The following LPA variants were observed in gnomAD, a reference collection of about 807,000 sequenced individuals.
The protein encoded by LPA is apolipoprotein(a).
LPA carries 199 observed loss-of-function variants against 197.9 expected under a neutral mutation model. That is an observed-to-expected ratio of 1.01 (90% CI 0.90 to 1.13). The LOEUF (loss-of-function observed/expected upper bound fraction) is 1.13, where lower values mean the gene tolerates loss of function less well. Among genes scored for constraint, LPA ranks in the 50% most tolerant of loss-of-function variants. The probability of loss-of-function intolerance (pLI) is 0.00; values close to 1 mark genes in which losing one functional copy is unlikely to be tolerated. For missense variants in LPA, 1,853 were observed against 1,785.8 expected (o/e 1.04, Z -0.68); for synonymous variants, 715 against 639.5 (o/e 1.12, Z -1.78).
chr6:160,605,873 G>A (rs758798043), intron 17 of LPA, among the ~76,000 whole-genome samples: 12 of 152,180 alleles, frequency 7.9e-5, no homozygotes, highest in South Asian at 2.1e-4. Flanking sequence ...TATCCAGACC[G>A]CTCACAGGTA....
chr6:160,594,302 G>A (rs369769458), intron 21 of LPA, among the ~76,000 whole-genome samples, 185 bp from the exon 22 acceptor site: 1 of 152,184 alleles, frequency 6.6e-6, no homozygotes, highest in Non-Finnish European at 1.5e-5. Flanking sequence ...GAACTTTAAC[G>A]AGTTCTTAGA....
At chr6:160,659,537 G>A (rs980257492) in intron 1 of LPA, among the ~76,000 whole-genome samples, 1 of 152,230 alleles carries the variant, frequency 6.6e-6, no homozygotes, top group African/African-American at 2.4e-5. Flanking sequence ...AAGAGAAACT[G>A]GAATTCTTTC....
At chr6:160,595,206 C>T (rs915260731) in intron 21 of LPA, 148 bp downstream of exon 21, 12 of 960,078 alleles carry the variant, frequency 1.2e-5, no homozygotes, top group East Asian at 2.5e-5. Context: ...CCAGAGAAGG[C>T]GCTGAGTGTT....
chr6:160,586,985 C>T (rs185960141), intron 24 of LPA, among the ~76,000 whole-genome samples: 12 of 152,270 alleles, frequency 7.9e-5, no homozygotes, highest in Admixed American at 3.3e-4. Context: ...GATTGTTTCA[C>T]GTACATACAA....
Position 160,538,088 on chromosome 6 carries a change from G to C in LPA, c.5736-127C>G, listed in dbSNP as rs971782695. The C allele has an allele frequency of 2.6e-5, 19 of 738,468 alleles. No homozygotes were observed. In the African/African-American group the frequency reaches 3.1e-4, roughly 12 times the overall value. The allele number at this position is 738,468 out of a possible 1,614,324, so 45.7% of individuals were successfully genotyped here. ...GGCACTGCCTTGCTTCACTGACACA[G>C]AACAATGTAGAACACAGCGTTTCAC... is the stretch of plus-strand genomic sequence containing the variant. On this transcript the variant is annotated intron_variant, in intron 36 of 38. Coordinates refer to ENST00000316300, the MANE Select transcript of LPA (RefSeq NM_005577.4).
At chr6:160,595,238 A>G in intron 21 of LPA, 116 bp downstream of exon 21, 1 of 1,312,772 alleles carries the variant, frequency 7.6e-7, no homozygotes, top group Non-Finnish European at 1.1e-6. Flanking sequence ...GCTGACCCTG[A>G]GTCCACATTC....
At chr6:160,566,515 C>T (rs142613583) in intron 28 of LPA, among the ~76,000 whole-genome samples, 14,964 of 152,152 alleles carry the variant, frequency 0.098, 925 homozygotes, top group Non-Finnish European at 0.14. Flanking sequence ...AAGAAACAAT[C>T]GGTATCAGCC....
chr6:160,659,612 T>C (rs1430925689), intron 1 of LPA, among the ~76,000 whole-genome samples: 1 of 152,160 alleles, frequency 6.6e-6, no homozygotes, highest in Non-Finnish European at 1.5e-5. Context: ...CCAAGGGCAT[T>C]AACGGTGGTA....
intron 28 of LPA, among the ~76,000 whole-genome samples, chr6:160,566,464 C>T (rs898409213): frequency 2.0e-5 from 3 of 152,152 alleles, no homozygotes; most frequent in African/African-American, 7.2e-5. Flanking sequence ...CACCACCAGG[C>T]CTGCCTTACA....
At position 160,541,281 on chromosome 6, in the gene LPA, G is replaced by A. The variant is rs1359709103; in HGVS notation, c.5520-100C>T. On this transcript the variant is annotated intron_variant, in intron 34 of 38. Coordinates refer to ENST00000316300, the MANE Select transcript of LPA (RefSeq NM_005577.4). ...GACAAGTTCACTCAGTTTTGATCAT[G>A]TTCATATTCCCAAAGCAAAGGACTA... 3.4e-6 allele frequency: 3 copies of A among 885,482 alleles called. No individual in the cohort carries two copies. In the East Asian group the frequency reaches 7.4e-5, roughly 22 times the overall value. 54.9% of individuals were successfully genotyped at this position (885,482 alleles called of 1,614,324 possible). A position where few individuals can be genotyped will look rare whatever the true frequency, so the allele number is the denominator to read the frequency against.
chr6:160,584,212 CTT>C (rs1481920891), intron 26 of LPA, among the ~76,000 whole-genome samples: 9 of 125,292 alleles, frequency 7.2e-5, no homozygotes, highest in Admixed American at 1.8e-4. Flanking sequence ...TCTTCTTCTT[CTT>C]CTTCTTCTTC....
At chr6:160,649,030 T>C (rs953377544) in intron 2 of LPA, among the ~76,000 whole-genome samples, 1 of 152,328 alleles carries the variant, frequency 6.6e-6, no homozygotes, top group Non-Finnish European at 1.5e-5. Flanking sequence ...TGTTTACCTC[T>C]AAAGATGGTT....
intron 34 of LPA, 111 bp from the exon 35 acceptor site, chr6:160,541,292 C>A: frequency 1.2e-6 from 1 of 822,710 alleles, no homozygotes. Context: ...TTCATATTCC[C>A]AAAGCAAAGG....
At chr6:160,596,049 G>A (rs749485358) in intron 20 of LPA, among the ~76,000 whole-genome samples, 8 of 152,224 alleles carry the variant, frequency 5.3e-5, no homozygotes, top group African/African-American at 1.9e-4. Flanking sequence ...TAACTATTCA[G>A]CATCTGGTTT....
chr6:160,589,458 AAATTGGGTCATAAGAAGTTAGC>A (rs1778981270), intron 24 of LPA, 73 bp downstream of exon 24: 1 of 1,436,128 alleles, frequency 7.0e-7, no homozygotes, highest in East Asian at 2.3e-5. Flanking sequence ...GGTCTGAGAG[AAATTGGGTCATAAGAAGTTAGC>A]TGGAAGCATG....
At chr6:160,577,060 G>C in intron 28 of LPA, 76 bp downstream of exon 28, 1 of 1,563,232 alleles carries the variant, frequency 6.4e-7, no homozygotes, top group Non-Finnish European at 8.8e-7. Flanking sequence ...CCTAGGAAGT[G>C]AGCTTAAAGC....
intron 16 of LPA, among the ~76,000 whole-genome samples, chr6:160,611,335 C>A (rs1016177874): frequency 6.6e-6 from 1 of 152,064 alleles, no homozygotes; most frequent in East Asian, 1.9e-4. Flanking sequence ...GTGATCTCCT[C>A]GCCTCCTCAT....
intron 28 of LPA, among the ~76,000 whole-genome samples, chr6:160,575,764 T>C (rs746139465): frequency 1.3e-5 from 2 of 152,208 alleles, no homozygotes; most frequent in African/African-American, 4.8e-5. Flanking sequence ...CCCTTGTAGT[T>C]ATTCTTTCCC....
At chr6:160,647,838 C>T (rs915039917) in intron 2 of LPA, among the ~76,000 whole-genome samples, 1 of 152,202 alleles carries the variant, frequency 6.6e-6, no homozygotes, top group Non-Finnish European at 1.5e-5. Context: ...CTCGTCAACT[C>T]TCATTTAAAA....
Sources: gnomAD v4.1 joint callset for allele counts (sites outside exome capture counted in the v4.1 genomes callset) on GRCh38, gnomAD v4.1.1 for gene constraint, MANE v1.5 for transcripts, NCBI Gene and HGNC (gene_info 2026-07-23, HGNC 2026-07-21) for gene names.